The following TUBB2B variants were observed in gnomAD, a reference collection of about 807,000 sequenced individuals.
TUBB2B encodes the protein tubulin beta 2B class IIb, also known as tubulin beta-2B chain.
In TUBB2B, 5 loss-of-function variants were observed where a neutral mutation model predicts 35.0. The ratio of observed to expected loss-of-function variants is 0.14; its 90% CI spans 0.07 to 0.30. The LOEUF (loss-of-function observed/expected upper bound fraction) is 0.30, where lower values mean the gene tolerates loss of function less well. Among genes scored for constraint, TUBB2B ranks in the 10% least tolerant of loss-of-function variants. TUBB2B has a pLI of 1.00. For synonymous variants in TUBB2B, 166 were observed against 250.5 expected (o/e 0.66, Z 3.18); for missense variants, 63 against 601.8 (o/e 0.10, Z 9.37).
chr6:3,226,324 G>T lies in TUBB2B; in HGVS notation c.167-55C>A. The T allele has an allele frequency of 6.8e-7, 1 of 1,479,364 alleles. No individual in the cohort carries two copies. Among genetic ancestry groups the T allele is most frequent in the Non-Finnish European group, 9.4e-7 (1 of 1,061,416 alleles). 91.6% of individuals were successfully genotyped at this position (1,479,364 alleles called of 1,614,324 possible). ...CAGGCAAGGACCTCTGCAGAGAAGG[G>T]CTTGGCGCCTGCTGCCATCATGCAG... is the stretch of plus-strand genomic sequence containing the variant. On this transcript the variant is annotated intron_variant, in intron 2 of 3. Coordinates refer to ENST00000259818, the MANE Select transcript of TUBB2B (RefSeq NM_178012.5). The surrounding 1 kb of genome is among the most constrained non-coding windows in gnomAD (Gnocchi z 5.5).
Position 3,224,688 on chromosome 6 carries a change from C to T in TUBB2B, c.*63G>A. On this transcript the variant is annotated 3_prime_UTR_variant, in exon 4 of 4. Transcript: ENST00000259818. ...TCCTTCCACTGCCAGGTTATCGTCC[C>T]GGGAAGCCCCCCACCCCCTCGCTTT... 3.7e-6 allele frequency: 6 copies of T among 1,602,764 alleles called. No individual in the cohort carries two copies. Among genetic ancestry groups the T allele is most frequent in the South Asian group, 3.3e-5 (3 of 89,698 alleles).
Position 3,226,428 on chromosome 6 carries a change from T to A in TUBB2B, c.166+133A>T. On this transcript the variant is annotated intron_variant, in intron 2 of 3. Coordinates refer to ENST00000259818, the MANE Select transcript of TUBB2B (RefSeq NM_178012.5). The surrounding 1 kb of genome is among the most constrained non-coding windows in gnomAD (Gnocchi z 5.5). ...GGCATAAGGAAGCCCAATGAAATAC[T>A]GCAGGGAAAGAGCGGGGATCCTAAA... 3 of 1,046,932 alleles carry A rather than the reference T, an allele frequency of 2.9e-6. No individual in the cohort carries two copies. Among genetic ancestry groups the A allele is most frequent in the Non-Finnish European group, 4.4e-6 (3 of 674,426 alleles). The allele number at this position is 1,046,932 out of a possible 1,614,324, so 64.9% of individuals were successfully genotyped here.
At chr6:3,225,934 T>G in intron 3 of TUBB2B, 123 bp from the exon 4 acceptor site, 1 of 1,504,378 alleles carries the variant, frequency 6.6e-7, no homozygotes, top group Non-Finnish European at 9.0e-7. Context: ...ATCACCAAAA[T>G]GGCCAAACGT....
Position 3,226,359 on chromosome 6 carries a change from C to T in TUBB2B, c.167-90G>A. Reference sequence around the variant, plus strand: ...TGCTGCCATCATGCAGATGTTGCCCCAAACAAAGGGAGACCCACCATCAGG... The same window carrying T: ...TGCTGCCATCATGCAGATGTTGCCCTAAACAAAGGGAGACCCACCATCAGG... On this transcript the variant is annotated intron_variant, in intron 2 of 3. Transcript: ENST00000259818. The surrounding 1 kb of genome is among the most constrained non-coding windows in gnomAD (Gnocchi z 5.5). 2 of 1,252,908 alleles carry T rather than the reference C, an allele frequency of 1.6e-6. No homozygotes were observed. Among genetic ancestry groups the T allele is most frequent in the Admixed American group, 3.8e-5 (2 of 53,096 alleles). The allele number at this position is 1,252,908 out of a possible 1,614,324, so 77.6% of individuals were successfully genotyped here. A position where few individuals can be genotyped will look rare whatever the true frequency, so the allele number is the denominator to read the frequency against.
chr6:3,225,868 T>G (rs955074923), intron 3 of TUBB2B, 57 bp from the exon 4 acceptor site: 1 of 1,606,656 alleles, frequency 6.2e-7, no homozygotes, highest in Non-Finnish European at 8.5e-7. Flanking sequence ...ATACCTTACC[T>G]CAAACCCCTC....
In TUBB2B at chr6:3,227,398, G is replaced by A. The variant is rs1199350627; in HGVS notation, c.57+89C>T. ...AAGGTCTGCATTTGGCGATCCCCAGGCCTTCCCAGGACCGCGCCTGGGGAC... is the reference window on the plus strand; with the variant it reads ...AAGGTCTGCATTTGGCGATCCCCAGACCTTCCCAGGACCGCGCCTGGGGAC... On this transcript the variant is annotated intron_variant, in intron 1 of 3. Coordinates refer to ENST00000259818, the MANE Select transcript of TUBB2B (RefSeq NM_178012.5). The surrounding 1 kb of genome is among the most constrained non-coding windows in gnomAD (Gnocchi z 7.8). 1.3e-6 allele frequency: 2 copies of A among 1,544,836 alleles called. No homozygotes were observed. Among genetic ancestry groups the A allele is most frequent in the African/African-American group, 1.4e-5 (1 of 73,458 alleles).
Position 3,226,799 on chromosome 6 carries a change from A to G in TUBB2B, c.58-130T>C. The G allele has an allele frequency of 4.8e-6, 4 of 839,712 alleles. No individual in the cohort carries two copies. Among genetic ancestry groups the G allele is most frequent in the Non-Finnish European group, 8.2e-6 (4 of 486,850 alleles). The allele number at this position is 839,712 out of a possible 1,614,324, so 52.0% of individuals were successfully genotyped here. A position where few individuals can be genotyped will look rare whatever the true frequency, so the allele number is the denominator to read the frequency against. On this transcript the variant is annotated intron_variant, in intron 1 of 3. Transcript: ENST00000259818. This position sits in a 1 kb window ranked among gnomAD's most constrained non-coding sequence, Gnocchi z 5.5. ...GCTTGAAGCTTTAAAGGGCGTCGTG[A>G]CCCGGGCACAGCCGCGGGGCTTGTA... is the stretch of plus-strand genomic sequence containing the variant.
Position 3,227,125 on chromosome 6 carries a change from C to T in TUBB2B, c.57+362G>A, listed in dbSNP as rs1031812781. On this transcript the variant is annotated intron_variant, in intron 1 of 3. Coordinates refer to ENST00000259818, the MANE Select transcript of TUBB2B (RefSeq NM_178012.5). This position sits in a 1 kb window ranked among gnomAD's most constrained non-coding sequence, Gnocchi z 7.8. Reference sequence around the variant, plus strand: ...CTCCCCTCCCCCGGCAGCTCGACTCCGGTTCAAGCGAGTACAATTAATCCT... The same window carrying T: ...CTCCCCTCCCCCGGCAGCTCGACTCTGGTTCAAGCGAGTACAATTAATCCT... 1.6e-4 allele frequency among the ~76,000 whole-genome samples: 25 copies of T among 152,164 alleles called. No individual in the cohort carries two copies. The highest frequency in any genetic ancestry group is 5.5e-4 in the African/African-American group (23 of 41,442).
In TUBB2B at chr6:3,226,007, G is replaced by T; in HGVS notation, c.277+152C>A. ...AGGCCAGGACACCAAGCTCTTAGCAGCTGAAAGGCAAACAATTTTACACTA... is the reference window on the plus strand; with the variant it reads ...AGGCCAGGACACCAAGCTCTTAGCATCTGAAAGGCAAACAATTTTACACTA... On this transcript the variant is annotated intron_variant, in intron 3 of 3. Transcript: ENST00000259818. This position sits in a 1 kb window ranked among gnomAD's most constrained non-coding sequence, Gnocchi z 5.5. 7.6e-7 allele frequency: 1 copy of T among 1,315,410 alleles called. No homozygotes were observed. The highest frequency in any genetic ancestry group is 1.1e-6 in the Non-Finnish European group (1 of 937,922). The allele number at this position is 1,315,410 out of a possible 1,614,324, so 81.5% of individuals were successfully genotyped here.
chr6:3,226,950 G>C lies in TUBB2B; in HGVS notation c.58-281C>G, dbSNP rs1257653468. Among the ~76,000 whole-genome samples, 1 of 152,188 alleles carries C rather than the reference G, an allele frequency of 6.6e-6. No individual in the cohort carries two copies. Among genetic ancestry groups the C allele is most frequent in the Non-Finnish European group, 1.5e-5 (1 of 68,026 alleles). On this transcript the variant is annotated intron_variant, in intron 1 of 3. Transcript: ENST00000259818. The surrounding 1 kb of genome is among the most constrained non-coding windows in gnomAD (Gnocchi z 5.5). ...GGGCAGTGGCGGAGCTTGGCGCACT[G>C]GTCGCAGCCCCAGGCTGCGGCAGGA...
chr6:3,227,571 G>A lies in TUBB2B; in HGVS notation c.-28C>T. On this transcript the variant is annotated 5_prime_UTR_variant, in exon 1 of 4. Transcript: ENST00000259818. This position sits in a 1 kb window ranked among gnomAD's most constrained non-coding sequence, Gnocchi z 7.8. ...TGCCTCGTCAGCGTCCTCCTGGTCC[G>A]GCGGCGTCTGGGTCTGTCCGTCCTC... The A allele has an allele frequency of 1.9e-6, 3 of 1,609,586 alleles. No homozygotes were observed. The highest frequency in any genetic ancestry group is 1.3e-5 in the African/African-American group (1 of 74,968).
Position 3,226,252 on chromosome 6 carries a change from G to A in TUBB2B, c.184C>T (p.Arg62Trp). 1 of 1,614,016 alleles carries A rather than the reference G, an allele frequency of 6.2e-7. No individual in the cohort carries two copies. The highest frequency in any genetic ancestry group is 8.5e-7 in the Non-Finnish European group (1 of 1,179,996). Residue 62 changes from arginine (R) to tryptophan (W), a missense_variant, in exon 3 of 4, where the codon CGG (arginine) becomes TGG (tryptophan). By Grantham distance (101) the Arg-to-Trp change is moderately radical. Transcript: ENST00000259818. This position sits in a 1 kb window ranked among gnomAD's most constrained non-coding sequence, Gnocchi z 5.5. Reference sequence around the variant, plus strand: ...GGCTCCAGATCCACGAGGATGGCCCGAGGAACATATTTGTTACCTGCAAGG... The same window carrying A: ...GGCTCCAGATCCACGAGGATGGCCCAAGGAACATATTTGTTACCTGCAAGG... Reference protein sequence around the residue: ...NEATGNKYVPRAILVDLEPGT... With the variant: ...NEATGNKYVPWAILVDLEPGT...
rs1260923805 is a variant in TUBB2B at position 3,226,002 on chromosome 6, TAGC to T, written c.277+154_277+156del. ...AAGGAAGGCCAGGACACCAAGCTCT[TAGC>T]AGCTGAAAGGCAAACAATTTTACAC... is the stretch of plus-strand genomic sequence containing the variant. On this transcript the variant is annotated intron_variant, in intron 3 of 3. Coordinates refer to ENST00000259818, the MANE Select transcript of TUBB2B (RefSeq NM_178012.5). The surrounding 1 kb of genome is among the most constrained non-coding windows in gnomAD (Gnocchi z 5.5). 6.6e-5 allele frequency among the ~76,000 whole-genome samples: 10 copies of T among 152,258 alleles called. No individual in the cohort carries two copies. Among genetic ancestry groups the T allele is most frequent in the Non-Finnish European group, 1.5e-5 (1 of 68,042 alleles).
rs1757246493 is a variant in TUBB2B, at chr6:3,224,473, A to T, written c.*278T>A. On this transcript the variant is annotated 3_prime_UTR_variant, in exon 4 of 4. Coordinates refer to ENST00000259818, the MANE Select transcript of TUBB2B (RefSeq NM_178012.5). ...ATTTAAATCGTTAATAAAGAGAAAAAGGAAGAGAAAGAGAGGACACCATTC... is the reference window on the plus strand; with the variant it reads ...ATTTAAATCGTTAATAAAGAGAAAATGGAAGAGAAAGAGAGGACACCATTC... 3.5e-6 allele frequency: 2 copies of T among 566,874 alleles called. No homozygotes were observed. The highest frequency in any genetic ancestry group is 6.2e-6 in the Non-Finnish European group (2 of 322,318). 35.1% of individuals were successfully genotyped at this position (566,874 alleles called of 1,614,324 possible).
At position 3,225,690 on chromosome 6, in the gene TUBB2B, G is replaced by A; in HGVS notation, c.399C>T (p.Phe133=). The change falls in exon 4 of 4, where the codon TTC becomes TTT. Residue 133 remains phenylalanine, a synonymous_variant. Transcript: ENST00000259818. ...CGCCCCCCAGAGAGTGGGTCAGCTG[G>A]AAGCCCTGGAGACAGTCACAGCTCT... ...ESESCDCLQG[F]QLTHSLGGGT... 6.2e-7 allele frequency: 1 copy of A among 1,608,824 alleles called. No homozygotes were observed. Among genetic ancestry groups the A allele is most frequent in the Non-Finnish European group, 8.5e-7 (1 of 1,177,546 alleles).
Position 3,224,786 on chromosome 6 carries a change from C to G in TUBB2B, c.1303G>C (p.Glu435Gln). ...YQDATADEQG[E>Q]FEEEEGEDEA ...TCCTCGCCCTCCTCCTCCTCGAACT[C>G]CCCTTGTTCGTCGGCCGTGGCGTCC... Residue 435 changes from glutamate (E) to glutamine (Q), a missense_variant, in exon 4 of 4, where the codon GAG (glutamate) becomes CAG (glutamine). Glu to Gln is a conservative substitution (Grantham distance 29). Coordinates refer to ENST00000259818, the MANE Select transcript of TUBB2B (RefSeq NM_178012.5). The G allele has an allele frequency of 6.2e-7, 1 of 1,613,764 alleles. No homozygotes were observed. Among genetic ancestry groups the G allele is most frequent in the Non-Finnish European group, 8.5e-7 (1 of 1,179,976 alleles).
Position 3,226,259 on chromosome 6 carries a change from A to G in TUBB2B, c.177T>C (p.Tyr59=). 1.9e-6 allele frequency: 3 copies of G among 1,614,018 alleles called. No homozygotes were observed. The highest frequency in any genetic ancestry group is 1.7e-6 in the Non-Finnish European group (2 of 1,179,988). Residue 59 remains tyrosine, a synonymous_variant, in exon 3 of 4, where the codon TAT becomes TAC. Transcript: ENST00000259818. This position sits in a 1 kb window ranked among gnomAD's most constrained non-coding sequence, Gnocchi z 5.5. ...VYYNEATGNK[Y]VPRAILVDLE... ...GATCCACGAGGATGGCCCGAGGAAC[A>G]TATTTGTTACCTGCAAGGAACAACA... is the stretch of plus-strand genomic sequence containing the variant.
chr6:3,224,743 G>A lies in TUBB2B; in HGVS notation c.*8C>T, dbSNP rs780003494. 18 of 1,613,764 alleles carry A rather than the reference G, an allele frequency of 1.1e-5. No individual in the cohort carries two copies. Among genetic ancestry groups the A allele is most frequent in the Non-Finnish European group, 1.5e-5 (18 of 1,179,862 alleles). On this transcript the variant is annotated 3_prime_UTR_variant, in exon 4 of 4. Transcript: ENST00000259818. ...CTCCGCTTTCCCTAACCCGTCTCGC[G>A]GGGGCATCTACGCCTCGTCCTCGCC...
In TUBB2B at chr6:3,226,286, T is replaced by G. The variant is rs747151187; in HGVS notation, c.167-17A>C. ...ATTTGTTACCTGCAAGGAACAACAGTGACTTAGACCCTCAGGCAAGGACCT... is the reference window on the plus strand; with the variant it reads ...ATTTGTTACCTGCAAGGAACAACAGGGACTTAGACCCTCAGGCAAGGACCT... On this transcript the variant is annotated splice_polypyrimidine_tract_variant and intron_variant, in intron 2 of 3. Coordinates refer to ENST00000259818, the MANE Select transcript of TUBB2B (RefSeq NM_178012.5). This position sits in a 1 kb window ranked among gnomAD's most constrained non-coding sequence, Gnocchi z 5.5. 4 of 1,606,020 alleles carry G rather than the reference T, an allele frequency of 2.5e-6. No individual in the cohort carries two copies. Among genetic ancestry groups the G allele is most frequent in the South Asian group, 1.1e-5 (1 of 90,796 alleles).
Sources: gnomAD v4.1 joint callset for allele counts (sites outside exome capture counted in the v4.1 genomes callset) on GRCh38, gnomAD v4.1.1 for gene constraint, Gnocchi (gnomAD v3.1) non-coding constraint, MANE v1.5 for transcripts, NCBI Gene and HGNC (gene_info 2026-07-23, HGNC 2026-07-21) for gene names.